CDON: variants seen among roughly 807,000 people sequenced by gnomAD.
CDON encodes the protein cell adhesion associated, oncogene regulated, also known as cell adhesion molecule-related/down-regulated by oncogenes.
Under a neutral mutation model 120.9 loss-of-function variants are expected in CDON, and 73 were observed. That is an observed-to-expected ratio of 0.60 (90% CI 0.50 to 0.73). The LOEUF is 0.73. CDON is among the 30% of genes least tolerant of loss of function. The probability of loss-of-function intolerance (pLI) is 0.00; values close to 1 mark genes in which losing one functional copy is unlikely to be tolerated. For missense variants in CDON, 1,470 were observed against 1,587.3 expected (o/e 0.93, Z 1.26); for synonymous variants, 566 against 573.5 (o/e 0.99, Z 0.19).
At chr11:126,036,740 G>A (rs1325566362) in intron 1 of CDON, among the ~76,000 whole-genome samples, 1 of 152,176 alleles carries the variant, frequency 6.6e-6, no homozygotes, top group Admixed American at 6.5e-5. Flanking sequence ...CCGGACTGGA[G>A]TGCAGTGGTG....
At chr11:125,979,765 T>C (rs184574987) in intron 17 of CDON, among the ~76,000 whole-genome samples, 51 of 152,312 alleles carry the variant, frequency 3.3e-4, no homozygotes, top group Non-Finnish European at 5.1e-4. Flanking sequence ...TGGACAATGG[T>C]AGTAGTTTGG....
chr11:126,044,324 G>A (rs1201325531), intron 1 of CDON, among the ~76,000 whole-genome samples: 1 of 151,836 alleles, frequency 6.6e-6, no homozygotes, highest in Non-Finnish European at 1.5e-5. Context: ...ATAATGGATT[G>A]TTAAAAACAA....
rs774838876 is a variant in CDON at position 126,003,967 on chromosome 11, A to G, written c.1961T>C (p.Leu654Ser). The change falls in exon 10 of 20, where the codon TTG becomes TCG. Residue 654 changes from leucine (L) to serine (S), a missense_variant. Coordinates refer to ENST00000531738, the MANE Select transcript of CDON (RefSeq NM_001378964.1). ...ELEPSSLYEV[L>S]MVARSAAGEG... ...ACCTGCTGCGCTTCTTGCTACCATC[A>G]AGACTTCATAAAGACTAGATGGCTC... The G allele has an allele frequency of 1.2e-6, 2 of 1,614,080 alleles. No homozygotes were observed. Among genetic ancestry groups the G allele is most frequent in the Admixed American group, 3.3e-5 (2 of 60,016 alleles).
Position 126,006,023 on chromosome 11 carries a change from G to A in CDON, c.1587C>T (p.Val529=). ...CATTCTGAGCAGCATCAGGAAGTGT[G>A]ACTGTCTCTGCTTTTGTATTTGTTT... ...PFETNTKAET[V]TLPDAAQNDD... is the part of the protein sequence containing the mutation. The change falls in exon 9 of 20, where the codon GTC becomes GTT. Residue 529 remains valine, a synonymous_variant. Transcript: ENST00000531738. 1 of 1,614,066 alleles carries A rather than the reference G, an allele frequency of 6.2e-7. No homozygotes were observed. Among genetic ancestry groups the A allele is most frequent in the Non-Finnish European group, 8.5e-7 (1 of 1,179,996 alleles).
chr11:126,005,771 C>G lies in CDON; in HGVS notation c.1839G>C (p.Val613=). Reference sequence around the variant, plus strand: ...GACAAGACATTACCTTTCGATACTTCACAAAGTAAGCATTGATGGGCAGCC... The same window carrying G: ...GACAAGACATTACCTTTCGATACTTGACAAAGTAAGCATTGATGGGCAGCC... The part of the protein sequence containing the change: ...DGGLPINAYF[V]KYRKLDDGVG... Residue 613 remains valine (V), a synonymous_variant, in exon 9 of 20, where the codon GTG becomes GTC. Coordinates refer to ENST00000531738, the MANE Select transcript of CDON (RefSeq NM_001378964.1). 6.2e-7 allele frequency: 1 copy of G among 1,613,576 alleles called. No individual in the cohort carries two copies.
intron 18 of CDON, among the ~76,000 whole-genome samples, chr11:125,965,305 G>C (rs1012009159): frequency 6.6e-6 from 1 of 152,268 alleles, no homozygotes; most frequent in Non-Finnish European, 1.5e-5. Context: ...AATTCTGATT[G>C]TTCCTGCTAA....
At chr11:126,009,400 G>C (rs1171261016) in intron 8 of CDON, among the ~76,000 whole-genome samples, 2 of 152,194 alleles carry the variant, frequency 1.3e-5, no homozygotes, top group African/African-American at 4.8e-5. Context: ...GACTGTGGCG[G>C]ATGGGCCAGG....
chr11:125,994,156 T>C (rs554255442), intron 14 of CDON, 128 bp downstream of exon 14: 31 of 693,688 alleles, frequency 4.5e-5, no homozygotes, highest in Non-Finnish European at 4.5e-5. Flanking sequence ...TTGGGACAAA[T>C]TCAACAGCAA....
chr11:126,059,706 CAGCTCTATTCACT>C lies in CDON; in HGVS notation c.-62+2860_-62+2872del, dbSNP rs1344757186. The stretch of plus-strand genomic sequence containing the variant: ...TTTAATCAAATACAGAATGAATTTT[CAGCTCTATTCACT>C]AGCTTGTCTCCAGGGCTCTCAAAAG... On this transcript the variant is annotated intron_variant, in intron 1 of 19. Transcript: ENST00000531738. Among the ~76,000 whole-genome samples, 3 of 152,228 alleles carry C rather than the reference CAGCTCTATTCACT, an allele frequency of 2.0e-5. No individual in the cohort carries two copies. The East Asian group carries it at 5.8e-4, about 29-fold the overall frequency.
intron 14 of CDON, among the ~76,000 whole-genome samples, chr11:125,992,488 C>A (rs1012290127): frequency 6.6e-6 from 1 of 152,174 alleles, no homozygotes; most frequent in Admixed American, 6.5e-5. Context: ...GAAAGCCCCC[C>A]ACCTCAAACA....
At chr11:125,991,098 T>C (rs1591361251) in intron 14 of CDON, among the ~76,000 whole-genome samples, 1 of 152,314 alleles carries the variant, frequency 6.6e-6, no homozygotes, top group East Asian at 1.9e-4. Context: ...TTTGAAGTTT[T>C]CCTTTCATAG....
chr11:126,018,605 G>T (rs1947539424), intron 4 of CDON, 132 bp from the exon 5 acceptor site: 3 of 798,526 alleles, frequency 3.8e-6, no homozygotes, highest in South Asian at 1.5e-5. Flanking sequence ...GTCTCATTCT[G>T]TCACCCAGGC....
intron 2 of CDON, among the ~76,000 whole-genome samples, chr11:126,022,570 A>G (rs892487652): frequency 6.6e-6 from 1 of 152,206 alleles, no homozygotes; most frequent in African/African-American, 2.4e-5. Flanking sequence ...AATTTTCTAG[A>G]ATAAAATACT....
rs570513038 is a variant in CDON at position 125,989,673 on chromosome 11, T to C, written c.2737A>G (p.Ser913Gly). ...CAGATCATCACATTGCTAAATTCAC[T>C]TTCTCCTCCTTCATTGAAGCATTGC... ...KMQCFNEGGE[S>G]EFSNVMICET... is the part of the protein sequence containing the mutation. The change falls in exon 15 of 20, where the codon AGT (serine) becomes GGT (glycine). Residue 913 changes from serine (S) to glycine (G), a missense_variant. Ser to Gly is a moderately conservative substitution (Grantham distance 56, BLOSUM62 0). Transcript: ENST00000531738. The C allele has an allele frequency of 1.9e-6, 3 of 1,613,620 alleles. No individual in the cohort carries two copies. Among genetic ancestry groups the C allele is most frequent in the Non-Finnish European group, 2.5e-6 (3 of 1,179,600 alleles).
At chr11:125,996,838 C>T (rs529655840) in intron 12 of CDON, among the ~76,000 whole-genome samples, 2 of 151,394 alleles carry the variant, frequency 1.3e-5, no homozygotes, top group South Asian at 2.1e-4. Flanking sequence ...ATACAATAAG[C>T]GTGAATACTT....
intron 3 of CDON, among the ~76,000 whole-genome samples, chr11:126,019,970 C>T (rs1947586606): frequency 6.6e-6 from 1 of 151,320 alleles, no homozygotes. Context: ...TCGCTTGAGC[C>T]CAGGAGGTTC....
intron 1 of CDON, among the ~76,000 whole-genome samples, chr11:126,060,127 A>C (rs1954789): frequency 5.9e-5 from 9 of 152,200 alleles, no homozygotes; most frequent in African/African-American, 2.2e-4. Flanking sequence ...GATTACATAC[A>C]ATATAAAAAT....
chr11:125,975,095 A>C (rs965514086), intron 18 of CDON, among the ~76,000 whole-genome samples: 1 of 152,148 alleles, frequency 6.6e-6, no homozygotes, highest in African/African-American at 2.4e-5. Flanking sequence ...TGTTCTCAAT[A>C]AGCTTTGCAA....
Position 125,959,695 on chromosome 11 carries a change from T to A in CDON, c.*1247A>T, listed in dbSNP as rs1945586097. 6.6e-6 allele frequency: 1 copy of A among 152,184 alleles called. No individual in the cohort carries two copies. The highest frequency in any genetic ancestry group is 2.4e-5 in the African/African-American group (1 of 41,436). 9.4% of individuals were successfully genotyped at this position (152,184 alleles called of 1,614,324 possible). ...ACACTCACCCCTGCAGGCCGTTGCCTATGCTGGAGATGGGGGATGACTAGT... is the reference window on the plus strand; with the variant it reads ...ACACTCACCCCTGCAGGCCGTTGCCAATGCTGGAGATGGGGGATGACTAGT... On this transcript the variant is annotated 3_prime_UTR_variant, in exon 20 of 20. Coordinates refer to ENST00000531738, the MANE Select transcript of CDON (RefSeq NM_001378964.1).
Sources: gnomAD v4.1 joint callset for allele counts (sites outside exome capture counted in the v4.1 genomes callset) on GRCh38, gnomAD v4.1.1 for gene constraint, MANE v1.5 for transcripts, NCBI Gene and HGNC (gene_info 2026-07-23, HGNC 2026-07-21) for gene names.